Variants in COL4A1 observed in about 807,000 individuals in gnomAD.
The protein encoded by COL4A1 is collagen type IV alpha 1 chain.
A neutral mutation model predicts 216.6 loss-of-function variants in COL4A1; 40 were observed. The ratio of observed to expected loss-of-function variants is 0.18; its 90% CI spans 0.14 to 0.24. The LOEUF is 0.24. Ranked by LOEUF, COL4A1 falls within the 10% of genes least tolerant of loss-of-function variation. COL4A1 has a pLI of 1.00. For missense variants in COL4A1, 1,628 were observed against 2,196.8 expected, an observed-to-expected ratio of 0.74 and a Z score of 5.18; for synonymous variants, 839 against 810.7, an observed-to-expected ratio of 1.03 and a Z score of -0.59.
chr13:110,209,540 T>G, intron 10 of COL4A1, 113 bp from the exon 11 acceptor site: 1 of 880,026 alleles, frequency 1.1e-6, no homozygotes, highest in Non-Finnish European at 1.8e-6. Flanking sequence ...AATTTATTTG[T>G]GAAATATTTT....
At chr13:110,194,534 C>T (rs532693285) in intron 22 of COL4A1, among the ~76,000 whole-genome samples, 1 of 152,152 alleles carries the variant, frequency 6.6e-6, no homozygotes, top group South Asian at 2.1e-4. Flanking sequence ...AAGATGGAAC[C>T]GAGAGCCCAG....
chr13:110,199,383 G>C (rs1879060203), intron 20 of COL4A1, among the ~76,000 whole-genome samples: 1 of 152,182 alleles, frequency 6.6e-6, no homozygotes, highest in Non-Finnish European at 1.5e-5. Context: ...GGAGAGGGAA[G>C]AGCGCTGACC....
intron 24 of COL4A1, among the ~76,000 whole-genome samples, chr13:110,188,119 T>G (rs1878481397): frequency 6.6e-6 from 1 of 152,194 alleles, no homozygotes; most frequent in Non-Finnish European, 1.5e-5. Flanking sequence ...TCCTGAGACT[T>G]GGGTTTCACA....
At chr13:110,213,440 T>C (rs1462969802) in intron 4 of COL4A1, among the ~76,000 whole-genome samples, 1 of 152,116 alleles carries the variant, frequency 6.6e-6, no homozygotes, top group South Asian at 2.1e-4. Context: ...AATGAAGTCA[T>C]CTCTGTCTAA....
In COL4A1 at chr13:110,285,673, T is replaced by A. The variant is rs142175466; in HGVS notation, c.84+21271A>T. ...GGTCTCACTCAAGCCATTGAGAGCC[T>A]GAACAAAACCAAAAAGCAGAAGGAG... On this transcript the variant is annotated intron_variant, in intron 1 of 51. Coordinates refer to ENST00000375820, the MANE Select transcript of COL4A1 (RefSeq NM_001845.6). Among the ~76,000 whole-genome samples, 9 of 152,232 alleles carry A rather than the reference T, an allele frequency of 5.9e-5. No homozygotes were observed. In the East Asian group the frequency reaches 1.7e-3, roughly 29 times the overall value.
chr13:110,254,631 CT>C (rs1336582887), intron 1 of COL4A1, among the ~76,000 whole-genome samples: 2 of 152,146 alleles, frequency 1.3e-5, no homozygotes, highest in East Asian at 1.9e-4. Context: ...AGTAGGACCA[CT>C]TTTTTTCCTT....
At chr13:110,155,514 A>T in intron 49 of COL4A1, 117 bp from the exon 50 acceptor site, 6 of 742,936 alleles carry the variant, frequency 8.1e-6, no homozygotes, top group Non-Finnish European at 1.5e-5. Context: ...GTCCAATTAC[A>T]TATTAAGTAG....
chr13:110,249,890 A>G (rs1425166287), intron 1 of COL4A1, among the ~76,000 whole-genome samples: 4 of 152,180 alleles, frequency 2.6e-5, no homozygotes, highest in African/African-American at 9.7e-5. Context: ...TATACTTAGT[A>G]TTGTGGTTTT....
intron 51 of COL4A1, 59 bp downstream of exon 51, chr13:110,152,275 T>A: frequency 6.2e-7 from 1 of 1,607,658 alleles, no homozygotes; most frequent in Non-Finnish European, 8.5e-7. Flanking sequence ...TCGCGGATGA[T>A]TAAAAAATAA....
intron 43 of COL4A1, among the ~76,000 whole-genome samples, chr13:110,168,437 T>C (rs1008850188): frequency 6.6e-6 from 1 of 152,202 alleles, no homozygotes; most frequent in Non-Finnish European, 1.5e-5. Flanking sequence ...CAAAAATACA[T>C]TCACATACAC....
At chr13:110,169,478 A>C in intron 43 of COL4A1, 151 bp downstream of exon 43, 1 of 1,296,710 alleles carries the variant, frequency 7.7e-7, no homozygotes, top group Non-Finnish European at 1.0e-6. Flanking sequence ...GAACTGATTT[A>C]GTGGGGATGT....
intron 1 of COL4A1, among the ~76,000 whole-genome samples, chr13:110,262,297 G>A (rs1488411703): frequency 6.6e-6 from 1 of 152,152 alleles, no homozygotes; most frequent in Non-Finnish European, 1.5e-5. Flanking sequence ...AGACCGCCCA[G>A]GGCAGGACCC....
At chr13:110,230,903 C>T (rs1881025080) in intron 2 of COL4A1, among the ~76,000 whole-genome samples, 2 of 152,208 alleles carry the variant, frequency 1.3e-5, no homozygotes, top group South Asian at 4.1e-4. Flanking sequence ...ACAGGGCACA[C>T]CCGTTTACCC....
chr13:110,295,300 C>A (rs1594124370), intron 1 of COL4A1, among the ~76,000 whole-genome samples: 2 of 146,514 alleles, frequency 1.4e-5, no homozygotes, highest in African/African-American at 5.0e-5. Context: ...TACAGAGACA[C>A]AATAAAGGAA....
chr13:110,220,501 C>A (rs912157032), intron 2 of COL4A1, among the ~76,000 whole-genome samples: 4 of 152,134 alleles, frequency 2.6e-5, no homozygotes, highest in Non-Finnish European at 5.9e-5. Flanking sequence ...ACAATGCTAG[C>A]CCAGGAAAAG....
At position 110,202,121 on chromosome 13, in the gene COL4A1, C is replaced by T. The variant is rs536211142; in HGVS notation, c.1000-599G>A. Among the ~76,000 whole-genome samples, 5 of 152,182 alleles carry T rather than the reference C, an allele frequency of 3.3e-5. No homozygotes were observed. In the South Asian group the frequency reaches 1.0e-3, roughly 32 times the overall value. On this transcript the variant is annotated intron_variant, in intron 18 of 51. Coordinates refer to ENST00000375820, the MANE Select transcript of COL4A1 (RefSeq NM_001845.6). ...CCTGGCAGCAGCTTTTGTAACACTC[C>T]AGTGAGGTAAAGATGGAGTAACATC...
rs746083260 is a variant in COL4A1 at position 110,175,273 on chromosome 13, T to G, written c.3143A>C (p.Glu1048Ala). ...GCCAGGTGGGCCTGCCTGCCCTTTC[T>G]CTCCTTTTGCACCTTTGTCTCCAGG... ...GLPGDKGAKG[E>A]KGQAGPPGIG... The change falls in exon 37 of 52, where the codon GAG (glutamate) becomes GCG (alanine). Residue 1048 changes from glutamate to alanine, a missense_variant. By Grantham distance (107) the Glu-to-Ala change is moderately radical. Transcript: ENST00000375820. 2.9e-5 allele frequency: 47 copies of G among 1,614,206 alleles called. No individual in the cohort carries two copies. Among genetic ancestry groups the G allele is most frequent in the Non-Finnish European group, 4.0e-5 (47 of 1,180,012 alleles).
intron 1 of COL4A1, among the ~76,000 whole-genome samples, chr13:110,243,218 A>G (rs1023019114): frequency 6.6e-6 from 1 of 152,228 alleles, no homozygotes. Context: ...TAAAGGAATG[A>G]GCTGATTTTT....
intron 48 of COL4A1, 67 bp downstream of exon 48, chr13:110,162,163 G>T: frequency 1.4e-6 from 2 of 1,389,140 alleles, no homozygotes; most frequent in Non-Finnish European, 2.0e-6. Context: ...GGCGAGTCCA[G>T]CACTGCACAC....
Sources: gnomAD v4.1 joint callset for allele counts (sites outside exome capture counted in the v4.1 genomes callset) on GRCh38, gnomAD v4.1.1 for gene constraint, MANE v1.5 for transcripts, NCBI Gene and HGNC (gene_info 2026-07-23, HGNC 2026-07-21) for gene names.